Variants in PHACTR3 observed in about 807,000 individuals in gnomAD.
PHACTR3 encodes phosphatase and actin regulator 3.
In PHACTR3, 16 loss-of-function variants were observed where a neutral mutation model predicts 66.8. The ratio of observed to expected loss-of-function variants is 0.24; its 90% confidence interval spans 0.16 to 0.36. The LOEUF (loss-of-function observed/expected upper bound fraction) is 0.36. Among genes scored for constraint, PHACTR3 ranks in the 10% least tolerant of loss-of-function variants. PHACTR3 has a pLI of 1.00. For synonymous variants in PHACTR3, 323 were observed against 292.1 expected, an observed-to-expected ratio of 1.11 and a Z score of -1.08; for missense variants, 647 against 719.9, an observed-to-expected ratio of 0.90 and a Z score of 1.16.
rs973737689 is a variant in PHACTR3, at chr20:59,847,416, T to C, written c.*286T>C. The stretch of plus-strand genomic sequence containing the variant: ...AAAACTGTTGTTTGCCTTTCAACCT[T>C]GTTTTACAGTTCTGCAGTGTAATGG... On this transcript the variant is annotated 3_prime_UTR_variant, in exon 13 of 13. Transcript: ENST00000371015. The C allele has an allele frequency of 2.3e-5, 7 of 310,412 alleles. No individual in the cohort carries two copies. Among genetic ancestry groups the C allele is most frequent in the Non-Finnish European group, 3.7e-5 (6 of 163,696 alleles). 19.2% of individuals were successfully genotyped at this position (310,412 alleles called of 1,614,324 possible). A position where few individuals can be genotyped will look rare whatever the true frequency, so the allele number is the denominator to read the frequency against.
intron 1 of PHACTR3, among the ~76,000 whole-genome samples, chr20:59,719,934 C>G (rs543449835): frequency 2.6e-5 from 4 of 152,280 alleles, no homozygotes; most frequent in African/African-American, 9.6e-5. Flanking sequence ...CAGGCTTTCT[C>G]CATGTTTTCA....
chr20:59,806,003 G>T (rs2041555148), intron 7 of PHACTR3, 38 bp from the exon 8 acceptor site: 1 of 1,596,156 alleles, frequency 6.3e-7, no homozygotes, highest in South Asian at 1.1e-5. Flanking sequence ...TGTCTCCTTT[G>T]TTCCCTTCTC....
chr20:59,757,316 T>G (rs367803882), intron 4 of PHACTR3, among the ~76,000 whole-genome samples: 1 of 152,204 alleles, frequency 6.6e-6, no homozygotes, highest in African/African-American at 2.4e-5. Context: ...ACGCTCCCGC[T>G]CTCTCTCCAG....
intron 8 of PHACTR3, among the ~76,000 whole-genome samples, chr20:59,814,806 A>G (rs1017301873): frequency 6.6e-6 from 1 of 152,052 alleles, no homozygotes; most frequent in African/African-American, 2.4e-5. Flanking sequence ...TAAAAGCACA[A>G]TCTGAAGACA....
At chr20:59,776,595 A>G (rs967341018) in intron 7 of PHACTR3, among the ~76,000 whole-genome samples, 1 of 152,174 alleles carries the variant, frequency 6.6e-6, no homozygotes. Flanking sequence ...CCTTTAGGGC[A>G]TTGTTAGGCC....
chr20:59,600,366 C>A (rs2033441087), upstream of PHACTR3, among the ~76,000 whole-genome samples: 2 of 152,224 alleles, frequency 1.3e-5, no homozygotes, highest in Non-Finnish European at 2.9e-5. Context: ...ATGTCTCATT[C>A]ATGGTGGTAT....
intron 1 of PHACTR3, among the ~76,000 whole-genome samples, chr20:59,741,476 T>C (rs2039161513): frequency 6.6e-6 from 1 of 152,358 alleles, no homozygotes; most frequent in Non-Finnish European, 1.5e-5. Flanking sequence ...GTCCCTTCCC[T>C]GTCCCAGGAG....
intron 1 of PHACTR3, among the ~76,000 whole-genome samples, chr20:59,581,603 T>G (rs149241541): frequency 1.4e-4 from 21 of 152,188 alleles, no homozygotes; most frequent in Admixed American, 1.4e-3. Flanking sequence ...TGGCCTAGGC[T>G]GGACGTGGTG....
intron 7 of PHACTR3, among the ~76,000 whole-genome samples, chr20:59,794,143 A>AAAG (rs1555844422): frequency 6.6e-6 from 1 of 150,930 alleles, no homozygotes. Context: ...AAAAAAAAAA[A>AAAG]GAGTGGTCAT....
At chr20:59,628,224 A>C (rs2034528195) in intron 1 of PHACTR3, 1 of 152,126 alleles carries the variant, frequency 6.6e-6, no homozygotes, top group Admixed American at 6.6e-5. Context: ...TTGCCAGGAG[A>C]GAGTACTTGG....
At position 59,659,301 on chromosome 20, in the gene PHACTR3, C is replaced by G. The variant is rs180831520; in HGVS notation, c.118+54169C>G. ...ATTCTGTGTCAAATAACAGCACATTCTTTTTCTTTCCACTTATCAGAGTTG... is the reference window on the plus strand; with the variant it reads ...ATTCTGTGTCAAATAACAGCACATTGTTTTTCTTTCCACTTATCAGAGTTG... On this transcript the variant is annotated intron_variant, in intron 1 of 12. Transcript: ENST00000371015. Among the ~76,000 whole-genome samples the G allele has an allele frequency of 4.1e-5, 6 of 147,322 alleles. No individual in the cohort carries two copies. The East Asian group carries it at 1.2e-3, about 30-fold the overall frequency.
At chr20:59,737,729 C>G (rs897664685) in intron 1 of PHACTR3, among the ~76,000 whole-genome samples, 2 of 152,148 alleles carry the variant, frequency 1.3e-5, no homozygotes, top group African/African-American at 4.8e-5. Context: ...GTGAGTACAG[C>G]CCCACAAAGG....
intron 1 of PHACTR3, among the ~76,000 whole-genome samples, chr20:59,716,206 TTGTGTGTG>T (rs201782505): frequency 0.1 from 12,957 of 128,502 alleles, 862 homozygotes; most frequent in African/African-American, 0.16. Flanking sequence ...CCTTCACCCT[TTGTGTGTG>T]TGTGTGTGTG....
At chr20:59,594,352 T>C (rs2033268254) in intron 1 of PHACTR3, among the ~76,000 whole-genome samples, 1 of 150,226 alleles carries the variant, frequency 6.7e-6, no homozygotes, top group Non-Finnish European at 1.5e-5. Flanking sequence ...TTTTTTTTTA[T>C]TTTCTACATA....
Position 59,714,949 on chromosome 20 carries a change from C to T in PHACTR3, c.119-28158C>T, listed in dbSNP as rs957471499. The stretch of plus-strand genomic sequence containing the variant: ...TGCTTTAATGACATTTAAGTTATCT[C>T]GTTTAAATATAATTTTCTAATTCTT... On this transcript the variant is annotated intron_variant, in intron 1 of 12. Coordinates refer to ENST00000371015, the MANE Select transcript of PHACTR3 (RefSeq NM_080672.5). Among the ~76,000 whole-genome samples the T allele has an allele frequency of 4.6e-5, 7 of 151,998 alleles. 1 individual carries two copies. Among genetic ancestry groups the T allele is most frequent in the Admixed American group, 6.5e-5 (1 of 15,270 alleles).
Position 59,584,723 on chromosome 20 carries a change from G to A in PHACTR3, c.109+7106G>A, listed in dbSNP as rs149083626. On this transcript the variant is annotated intron_variant, in intron 1 of 12. Transcript: ENST00000359926. ...CACCTTCACTCCCCGGCCTTCACCC[G>A]TGCTGCTCCTTCTGACGGAAGGCTC... Among the ~76,000 whole-genome samples the A allele has an allele frequency of 4.9e-3, 749 of 152,154 alleles. 4 individuals are homozygous for A. The highest frequency in any genetic ancestry group is 0.017 in the African/African-American group (688 of 41,510).
intron 7 of PHACTR3, among the ~76,000 whole-genome samples, chr20:59,796,833 T>G (rs963043378): frequency 2.0e-5 from 3 of 152,218 alleles, no homozygotes; most frequent in Non-Finnish European, 4.4e-5. Context: ...GAGAGAGGAC[T>G]TCTTTGAGTT....
chr20:59,814,869 G>A (rs1196207889), intron 8 of PHACTR3, among the ~76,000 whole-genome samples: 3 of 152,062 alleles, frequency 2.0e-5, no homozygotes, highest in South Asian at 2.1e-4. Flanking sequence ...GGGCCTCCGC[G>A]GTTGGGCCTT....
At chr20:59,666,686 TAGAA>T (rs975409108) in intron 1 of PHACTR3, among the ~76,000 whole-genome samples, 48 of 145,232 alleles carry the variant, frequency 3.3e-4, no homozygotes, top group Non-Finnish European at 3.7e-4. Context: ...GAGAGAGAGA[TAGAA>T]AGAGAGTGAC....
Sources: allele counts gnomAD v4.1 joint callset (sites outside exome capture counted in the v4.1 genomes callset), GRCh38; gene constraint gnomAD v4.1.1; transcripts MANE v1.5; gene names NCBI Gene and HGNC (gene_info 2026-07-23, HGNC 2026-07-21).